The following SLC15A2 variants were observed in gnomAD, a reference collection of about 807,000 sequenced individuals.
SLC15A2 encodes solute carrier family 15 member 2.
Under a neutral mutation model 95.5 loss-of-function variants are expected in SLC15A2, and 77 were observed. The observed-to-expected ratio is 0.81, with a 90% CI of 0.67 to 0.97. SLC15A2 has a LOEUF of 0.97. Ranked by LOEUF, SLC15A2 falls within the 50% of genes least tolerant of loss-of-function variation. The pLI is 0.00. For missense variants in SLC15A2, 893 were observed against 874.4 expected (o/e 1.02, Z -0.27); for synonymous variants, 306 against 306.9 (o/e 1.00, Z 0.03).
chr3:121,908,057 T>G (rs9849724), intron 3 of SLC15A2, among the ~76,000 whole-genome samples: 67,926 of 152,080 alleles, frequency 0.45, 15,696 homozygotes, highest in East Asian at 0.69. Flanking sequence ...TTCCCCAGCT[T>G]CTTTGTTTAC....
In SLC15A2 at chr3:121,915,598, C is replaced by A; in HGVS notation, c.620-18C>A. On this transcript the variant is annotated intron_variant, in intron 6 of 21. Transcript: ENST00000489711. ...AAGACTCAGAGTTACTTTCCTCCTCCCATCCCATTTTCTTTAGGAGATGTG... is the reference window on the plus strand; with the variant it reads ...AAGACTCAGAGTTACTTTCCTCCTCACATCCCATTTTCTTTAGGAGATGTG... 1 of 1,595,120 alleles carries A rather than the reference C, an allele frequency of 6.3e-7. No individual in the cohort carries two copies. The highest frequency in any genetic ancestry group is 1.7e-5 in the Admixed American group (1 of 60,002).
intron 3 of SLC15A2, among the ~76,000 whole-genome samples, chr3:121,908,906 C>G (rs1272662496): frequency 6.6e-6 from 1 of 152,064 alleles, no homozygotes; most frequent in Non-Finnish European, 1.5e-5. Context: ...GATGTAGCGG[C>G]TCATGCCTGT....
chr3:121,940,510 G>A, intron 21 of SLC15A2, 22 bp downstream of exon 21: 1 of 1,578,736 alleles, frequency 6.3e-7, no homozygotes, highest in Non-Finnish European at 8.7e-7. Flanking sequence ...AGGGAAGCAG[G>A]ATTCATTTCT....
intron 3 of SLC15A2, among the ~76,000 whole-genome samples, chr3:121,898,319 T>C (rs1199512766): frequency 6.6e-6 from 1 of 152,196 alleles, no homozygotes; most frequent in Non-Finnish European, 1.5e-5. Context: ...CTAATGTCTT[T>C]TGTAGTTTCC....
At chr3:121,924,593 G>A (rs1322307549) in intron 12 of SLC15A2, among the ~76,000 whole-genome samples, 2 of 122,636 alleles carry the variant, frequency 1.6e-5, no homozygotes, top group Non-Finnish European at 3.6e-5. Flanking sequence ...TTAAGTGTAA[G>A]CATTGGATTT....
chr3:121,915,553 G>A lies in SLC15A2; in HGVS notation c.620-63G>A, dbSNP rs1052632300. 53 of 1,295,810 alleles carry A rather than the reference G, an allele frequency of 4.1e-5. No individual in the cohort carries two copies. In the South Asian group the frequency reaches 6.2e-4, roughly 15 times the overall value. The allele number at this position is 1,295,810 out of a possible 1,614,324, so 80.3% of individuals were successfully genotyped here. A position where few individuals can be genotyped will look rare whatever the true frequency, so the allele number is the denominator to read the frequency against. Reference sequence around the variant, plus strand: ...GTTTATTCAACAACCTGAGCTTGTAGAATAAAACATCAAATATTCAAGACT... The same window carrying A: ...GTTTATTCAACAACCTGAGCTTGTAAAATAAAACATCAAATATTCAAGACT... On this transcript the variant is annotated intron_variant, in intron 6 of 21. Transcript: ENST00000489711.
chr3:121,902,781 G>A (rs1404857425), intron 3 of SLC15A2, among the ~76,000 whole-genome samples: 1 of 152,182 alleles, frequency 6.6e-6, no homozygotes, highest in African/African-American at 2.4e-5. Context: ...TGGCTTGGTT[G>A]CAAGTTTTTG....
chr3:121,939,345 T>A lies in SLC15A2; in HGVS notation c.1762-4T>A, dbSNP rs1710414859. The A allele has an allele frequency of 6.6e-7, 1 of 1,511,578 alleles. No individual in the cohort carries two copies. The highest frequency in any genetic ancestry group is 2.3e-5 in the Admixed American group (1 of 42,824). The allele number at this position is 1,511,578 out of a possible 1,614,324, so 93.6% of individuals were successfully genotyped here. On this transcript the variant is annotated splice_polypyrimidine_tract_variant and splice_region_variant and intron_variant, in intron 19 of 21. Coordinates refer to ENST00000489711, the MANE Select transcript of SLC15A2 (RefSeq NM_021082.4). Reference sequence around the variant, plus strand: ...AGTCCATTTCCATTTTCTCTTTCCCTAAGAACACCAATCAGGGTCTTCAGG... The same window carrying A: ...AGTCCATTTCCATTTTCTCTTTCCCAAAGAACACCAATCAGGGTCTTCAGG...
chr3:121,896,901 CAAAAA>C (rs71133581), intron 2 of SLC15A2, among the ~76,000 whole-genome samples: 1 of 88,192 alleles, frequency 1.1e-5, no homozygotes. Context: ...AACTCATCTC[CAAAAA>C]AAAAAAAAAA....
Position 121,940,497 on chromosome 3 carries a change from C to T in SLC15A2, c.2013+9C>T. ...TCAGTGGCCTGGTACAGGTATGGATCTGAGGGAAGCAGGATTCATTTCTAC... is the reference window on the plus strand; with the variant it reads ...TCAGTGGCCTGGTACAGGTATGGATTTGAGGGAAGCAGGATTCATTTCTAC... On this transcript the variant is annotated intron_variant, in intron 21 of 21. Coordinates refer to ENST00000489711, the MANE Select transcript of SLC15A2 (RefSeq NM_021082.4). 6.3e-7 allele frequency: 1 copy of T among 1,597,368 alleles called. No homozygotes were observed. The highest frequency in any genetic ancestry group is 8.6e-7 in the Non-Finnish European group (1 of 1,165,282).
intron 7 of SLC15A2, among the ~76,000 whole-genome samples, chr3:121,916,685 G>A (rs533110226): frequency 6.6e-6 from 1 of 152,072 alleles, no homozygotes; most frequent in Non-Finnish European, 1.5e-5. Flanking sequence ...AAACAGAGAT[G>A]CTATAAATGA....
chr3:121,917,680 C>T (rs1709923779), intron 7 of SLC15A2, among the ~76,000 whole-genome samples: 1 of 151,608 alleles, frequency 6.6e-6, no homozygotes, highest in African/African-American at 2.4e-5. Flanking sequence ...AGAGCAAGCC[C>T]CTGTCTCAAA....
At chr3:121,911,783 T>A (rs1709772480) in intron 4 of SLC15A2, 117 bp downstream of exon 4, 1 of 720,606 alleles carries the variant, frequency 1.4e-6, no homozygotes, top group African/African-American at 1.8e-5. Context: ...ACTACAAAAC[T>A]GGTTAAGAAA....
chr3:121,898,044 C>A (rs1021682069), intron 3 of SLC15A2, among the ~76,000 whole-genome samples: 4 of 152,006 alleles, frequency 2.6e-5, no homozygotes, highest in African/African-American at 7.3e-5. Flanking sequence ...CACCTGTAAT[C>A]CCAGCTACTT....
At position 121,928,502 on chromosome 3, in the gene SLC15A2, G is replaced by A. The variant is rs745658991; in HGVS notation, c.1288G>A (p.Val430Met). 4.3e-6 allele frequency: 7 copies of A among 1,614,178 alleles called. No individual in the cohort carries two copies. The Admixed American group carries it at 8.3e-5, about 19-fold the overall frequency. Residue 430 changes from valine to methionine, a missense_variant, in exon 15 of 22, where the codon GTG (valine) becomes ATG (methionine). By Grantham distance (21) the Val-to-Met change is conservative. Coordinates refer to ENST00000489711, the MANE Select transcript of SLC15A2 (RefSeq NM_021082.4). The part of the protein sequence containing the change: ...NLADDEVKVT[V>M]VGNENNSLLI... ...GGCAGATGATGAGGTGAAGGTGACA[G>A]TGGTGGGAAATGAAAACAATTCTCT...
At chr3:121,921,289 G>GT (rs1710000626) in intron 7 of SLC15A2, among the ~76,000 whole-genome samples, 2 of 152,176 alleles carry the variant, frequency 1.3e-5, no homozygotes, top group African/African-American at 4.8e-5. Flanking sequence ...CAGGGACCTT[G>GT]TTTTTTTCAC....
intron 3 of SLC15A2, among the ~76,000 whole-genome samples, chr3:121,903,826 C>T (rs2107573420): frequency 6.6e-6 from 1 of 152,264 alleles, no homozygotes. Context: ...ATTGTCTTGG[C>T]AATGTGGGCT....
In SLC15A2 at chr3:121,925,011, T is replaced by TC. The variant is rs780290770; in HGVS notation, c.1104dup (p.Lys369GlnfsTer5). 6.2e-7 allele frequency: 1 copy of TC among 1,612,914 alleles called. No homozygotes were observed. The highest frequency in any genetic ancestry group is 8.5e-7 in the Non-Finnish European group (1 of 1,178,918). The stretch of plus-strand genomic sequence containing the variant: ...TGACTTTGTCATTTATCGTCTGGTC[T>TC]CCAAGTGTGGAATTAACTTCTCGTA... On this transcript the variant is annotated frameshift_variant, in exon 13 of 22. Transcript: ENST00000489711. LOFTEE classifies it high-confidence loss of function.
At position 121,940,492 on chromosome 3, in the gene SLC15A2, T is replaced by C; in HGVS notation, c.2013+4T>C. The C allele has an allele frequency of 1.2e-6, 2 of 1,607,296 alleles. No homozygotes were observed. Among genetic ancestry groups the C allele is most frequent in the Non-Finnish European group, 8.5e-7 (1 of 1,173,916 alleles). ...ACAGTTCAGTGGCCTGGTACAGGTA[T>C]GGATCTGAGGGAAGCAGGATTCATT... On this transcript the variant is annotated splice_donor_region_variant and intron_variant, in intron 21 of 21. Coordinates refer to ENST00000489711, the MANE Select transcript of SLC15A2 (RefSeq NM_021082.4).
Sources: gnomAD v4.1 joint callset for allele counts (sites outside exome capture counted in the v4.1 genomes callset) on GRCh38, gnomAD v4.1.1 for gene constraint, MANE v1.5 for transcripts, NCBI Gene and HGNC (gene_info 2026-07-23, HGNC 2026-07-21) for gene names.